Variants in SPTBN2 observed in about 807,000 individuals in gnomAD.
The protein encoded by SPTBN2 is spectrin beta chain, non-erythrocytic 2.
A neutral mutation model predicts 284.2 loss-of-function variants in SPTBN2; 107 were observed. The ratio of observed to expected loss-of-function variants is 0.38; its 90% CI spans 0.32 to 0.44. The LOEUF is 0.44. SPTBN2 is among the 20% of genes least tolerant of loss of function. The pLI is 1.00. For synonymous variants in SPTBN2, 1,289 were observed against 1,354.8 expected, an observed-to-expected ratio of 0.95 and a Z score of 1.07; for missense variants, 2,569 against 3,287.1, an observed-to-expected ratio of 0.78 and a Z score of 5.34.
At chr11:66,706,460 A>G (rs993631976) in intron 13 of SPTBN2, among the ~76,000 whole-genome samples, 6 of 152,170 alleles carry the variant, frequency 3.9e-5, no homozygotes, top group Non-Finnish European at 8.8e-5. Flanking sequence ...CCTCCTGACT[A>G]GCTGGGATTA....
chr11:66,693,259 T>G lies in SPTBN2; in HGVS notation c.4781A>C (p.Tyr1594Ser). ...GGCCTCCGCCTCGGCGGCATCGCGGTAGAACTGCTGGGCTCGCAGGGCATC... is the reference window on the plus strand; with the variant it reads ...GGCCTCCGCCTCGGCGGCATCGCGGGAGAACTGCTGGGCTCGCAGGGCATC... ...LEDALRAQQF[Y>S]RDAAEAEAWM... is the part of the protein sequence containing the mutation. Residue 1594 changes from tyrosine to serine, a missense_variant, in exon 24 of 38, where the codon TAC (tyrosine) becomes TCC (serine). Physicochemically the swap from Tyr to Ser is moderately radical, Grantham distance 144. Around this residue, in one of 6 missense-constraint regions of SPTBN2, gnomAD observed 1,130 missense variants for 1,317.3 expected, o/e 0.86. Coordinates refer to ENST00000533211, the MANE Select transcript of SPTBN2 (RefSeq NM_006946.4). This position sits in a 1 kb window ranked among gnomAD's most constrained non-coding sequence, Gnocchi z 5.7. The G allele has an allele frequency of 1.2e-6, 2 of 1,614,112 alleles. No homozygotes were observed. The highest frequency in any genetic ancestry group is 1.7e-6 in the Non-Finnish European group (2 of 1,180,032).
At chr11:66,725,650 T>C (rs1418450270) in intron 1 of SPTBN2, among the ~76,000 whole-genome samples, 1 of 152,206 alleles carries the variant, frequency 6.6e-6, no homozygotes, top group Non-Finnish European at 1.5e-5. Context: ...AGTCTCATCA[T>C]ACCTTATTCT....
At chr11:66,716,211 T>C (rs1427717619) in intron 3 of SPTBN2, among the ~76,000 whole-genome samples, 1 of 152,000 alleles carries the variant, frequency 6.6e-6, no homozygotes, top group Non-Finnish European at 1.5e-5. Context: ...AGGTTGGGTG[T>C]GGTGGCTCAT....
Position 66,698,981 on chromosome 11 carries a change from G to A in SPTBN2, c.3867+11C>T. ...GGCTAGGGAATATCCCGGGGCCCCA[G>A]GGAGCCTCACCTCGTGACAATCTTG... is the stretch of plus-strand genomic sequence containing the variant. On this transcript the variant is annotated intron_variant, in intron 19 of 37. Coordinates refer to ENST00000533211, the MANE Select transcript of SPTBN2 (RefSeq NM_006946.4). 1.2e-6 allele frequency: 2 copies of A among 1,614,154 alleles called. No individual in the cohort carries two copies. Among genetic ancestry groups the A allele is most frequent in the Non-Finnish European group, 1.7e-6 (2 of 1,180,020 alleles).
At chr11:66,702,885 C>G (rs1288279046) in intron 15 of SPTBN2, among the ~76,000 whole-genome samples, 2 of 135,632 alleles carry the variant, frequency 1.5e-5, no homozygotes, top group Non-Finnish European at 3.1e-5. Flanking sequence ...TTGCAGTGAG[C>G]CAAGATTGTG....
rs1199118133 is a variant in SPTBN2 at position 66,718,765 on chromosome 11, A to G, written c.157+2319T>C. ...ATGGTGGGAATTTCAAGGAGTGGCA[A>G]AAAGAGTTACGGGGTGTCCCGAACT... On this transcript the variant is annotated intron_variant, in intron 3 of 37. Transcript: ENST00000533211. This position sits in a 1 kb window ranked among gnomAD's most constrained non-coding sequence, Gnocchi z 4.8. Among the ~76,000 whole-genome samples the G allele has an allele frequency of 6.6e-6, 1 of 152,228 alleles. No homozygotes were observed. The highest frequency in any genetic ancestry group is 1.5e-5 in the Non-Finnish European group (1 of 68,034).
intron 17 of SPTBN2, among the ~76,000 whole-genome samples, 184 bp from the exon 18 acceptor site, chr11:66,699,792 C>A (rs1415317451): frequency 6.6e-6 from 1 of 152,186 alleles, no homozygotes; most frequent in Non-Finnish European, 1.5e-5. Context: ...CACAGGGAAG[C>A]TGGGTGGGAA....
chr11:66,743,657 C>T (rs966130765), intron 1 of SPTBN2, among the ~76,000 whole-genome samples: 16 of 152,218 alleles, frequency 1.1e-4, no homozygotes, highest in African/African-American at 3.9e-4. Context: ...CAGGAATGCA[C>T]TTGGAAAACC....
chr11:66,685,727 C>T lies in SPTBN2; in HGVS notation c.*144G>A, dbSNP rs752030082. On this transcript the variant is annotated 3_prime_UTR_variant, in exon 38 of 38. Transcript: ENST00000533211. The surrounding 1 kb of genome is among the most constrained non-coding windows in gnomAD (Gnocchi z 4.4). ...GCCCTTGGGAACATGGACTCGTCCCCAGTGACAGTTCCTGGTGATGGGTTG... is the reference window on the plus strand; with the variant it reads ...GCCCTTGGGAACATGGACTCGTCCCTAGTGACAGTTCCTGGTGATGGGTTG... 2 of 758,878 alleles carry T rather than the reference C, an allele frequency of 2.6e-6. No homozygotes were observed. Among genetic ancestry groups the T allele is most frequent in the Non-Finnish European group, 4.6e-6 (2 of 439,358 alleles). 47.0% of individuals were successfully genotyped at this position (758,878 alleles called of 1,614,324 possible). A position where few individuals can be genotyped will look rare whatever the true frequency, so the allele number is the denominator to read the frequency against.
rs895058617 is a variant in SPTBN2 at position 66,742,609 on chromosome 11, G to T, written c.-475+1933C>A. On this transcript the variant is annotated intron_variant, in intron 1 of 37. Coordinates refer to the SPTBN2 transcript ENST00000611817. ...TTTCTGCTGGGCCAACACTCACAAT[G>T]ATAATTTTTTTTTTTTTTTAGACAG... 2.6e-5 allele frequency among the ~76,000 whole-genome samples: 4 copies of T among 151,710 alleles called. No individual in the cohort carries two copies. In the East Asian group the frequency reaches 7.8e-4, roughly 29 times the overall value.
chr11:66,698,975 G>A lies in SPTBN2; in HGVS notation c.3867+17C>T. On this transcript the variant is annotated intron_variant, in intron 19 of 37. Transcript: ENST00000533211. Reference sequence around the variant, plus strand: ...AGGGATGGCTAGGGAATATCCCGGGGCCCCAGGGAGCCTCACCTCGTGACA... The same window carrying A: ...AGGGATGGCTAGGGAATATCCCGGGACCCCAGGGAGCCTCACCTCGTGACA... 1.9e-6 allele frequency: 3 copies of A among 1,613,960 alleles called. No individual in the cohort carries two copies. Among genetic ancestry groups the A allele is most frequent in the Middle Eastern group, 1.7e-4 (1 of 6,028 alleles).
At chr11:66,711,332 A>G (rs2135494163) in intron 8 of SPTBN2, among the ~76,000 whole-genome samples, 2 of 152,350 alleles carry the variant, frequency 1.3e-5, no homozygotes, top group South Asian at 4.1e-4. Flanking sequence ...AAAAGCAAGA[A>G]AAGAAACAGC....
chr11:66,692,415 G>A (rs1045681624), intron 26 of SPTBN2, 121 bp downstream of exon 26: 5 of 1,189,798 alleles, frequency 4.2e-6, no homozygotes, highest in Non-Finnish European at 6.1e-6. Context: ...GACAGTGCCT[G>A]CTCAGCCTGG....
In SPTBN2 at chr11:66,685,703, C is replaced by A; in HGVS notation, c.*168G>T. 1.5e-6 allele frequency: 1 copy of A among 674,076 alleles called. No homozygotes were observed. The highest frequency in any genetic ancestry group is 2.6e-6 in the Non-Finnish European group (1 of 379,790). The allele number at this position is 674,076 out of a possible 1,614,324, so 41.8% of individuals were successfully genotyped here. A position where few individuals can be genotyped will look rare whatever the true frequency, so the allele number is the denominator to read the frequency against. ...ATTAAACAGCAGAAGAGAAGGGCTG[C>A]CCTTGGGAACATGGACTCGTCCCCA... On this transcript the variant is annotated 3_prime_UTR_variant, in exon 38 of 38. Transcript: ENST00000533211. This position sits in a 1 kb window ranked among gnomAD's most constrained non-coding sequence, Gnocchi z 4.4.
intron 1 of SPTBN2, among the ~76,000 whole-genome samples, chr11:66,726,956 C>G (rs1459580061): frequency 2.0e-5 from 3 of 152,226 alleles, no homozygotes; most frequent in Non-Finnish European, 2.9e-5. Flanking sequence ...CCCCGACCCA[C>G]CTCTCAGACT....
rs568917565 is a variant in SPTBN2 at position 66,718,312 on chromosome 11, G to A, written c.158-2331C>T. On this transcript the variant is annotated intron_variant, in intron 3 of 37. Coordinates refer to ENST00000533211, the MANE Select transcript of SPTBN2 (RefSeq NM_006946.4). This position sits in a 1 kb window ranked among gnomAD's most constrained non-coding sequence, Gnocchi z 4.8. ...AATTATCCCCTCTAAGCTGCATCAC[G>A]TTGTCTCCCAACACAAACACTGGAG... Among the ~76,000 whole-genome samples the A allele has an allele frequency of 9.2e-5, 14 of 152,274 alleles. No individual in the cohort carries two copies. In the South Asian group the frequency reaches 1.5e-3, roughly 16 times the overall value.
At chr11:66,698,830 G>C (rs754445976) in intron 19 of SPTBN2, 45 bp from the exon 20 acceptor site, 28 of 1,610,766 alleles carry the variant, frequency 1.7e-5, no homozygotes, top group Non-Finnish European at 2.1e-5. Context: ...GAGGGGAGAG[G>C]GGGGCATAAA....
At chr11:66,721,623 C>T (rs1448567320) in intron 1 of SPTBN2, among the ~76,000 whole-genome samples, 183 bp from the exon 2 acceptor site, 1 of 152,158 alleles carries the variant, frequency 6.6e-6, no homozygotes. Flanking sequence ...CAGGGTAATG[C>T]AGGCAGCACA....
Position 66,713,622 on chromosome 11 carries a change from T to C in SPTBN2, c.772+9A>G. ...CTACCACCTCTTTTTCACATAGCTC[T>C]GGCCCCACCTTCGGGATCCAGCAGC... On this transcript the variant is annotated intron_variant, in intron 8 of 37. Transcript: ENST00000533211. The C allele has an allele frequency of 1.2e-6, 2 of 1,610,670 alleles. No individual in the cohort carries two copies.
Sources: allele counts gnomAD v4.1 joint callset (sites outside exome capture counted in the v4.1 genomes callset), GRCh38; gene constraint gnomAD v4.1.1; regional missense constraint gnomAD v4.1.1; non-coding constraint Gnocchi (gnomAD v3.1); transcripts MANE v1.5; gene names NCBI Gene and HGNC (gene_info 2026-07-23, HGNC 2026-07-21).